Variants in FBLIM1 observed in about 807,000 individuals in gnomAD.
The protein encoded by FBLIM1 is filamin-binding LIM protein 1.
A neutral mutation model predicts 37.4 loss-of-function variants in FBLIM1; 29 were observed. The observed-to-expected ratio is 0.77, with a 90% CI of 0.58 to 1.06. The LOEUF (loss-of-function observed/expected upper bound fraction) is 1.06, where lower values mean the gene tolerates loss of function less well. FBLIM1 is among the 50% of genes least tolerant of loss of function. FBLIM1 has a pLI of 0.00. For missense variants in FBLIM1, 449 were observed against 505.6 expected (o/e 0.89, Z 1.07); for synonymous variants, 193 against 199.0 (o/e 0.97, Z 0.25).
At chr1:15,759,870 C>A (rs2068583729) in intron 1 of FBLIM1, among the ~76,000 whole-genome samples, 1 of 152,180 alleles carries the variant, frequency 6.6e-6, no homozygotes, top group African/African-American at 2.4e-5. Flanking sequence ...GGGCACACCC[C>A]GCCACTTCTG....
In FBLIM1 at chr1:15,782,952, C is replaced by T. The variant is rs145519465; in HGVS notation, c.1009-1596C>T. On this transcript the variant is annotated intron_variant, in intron 8 of 8. Coordinates refer to ENST00000375766, the MANE Select transcript of FBLIM1 (RefSeq NM_017556.4). The stretch of plus-strand genomic sequence containing the variant: ...CTGGGATTACAGGCACCCACCACCA[C>T]GCCCGGCTAATTTTTATATTTTTAG... 4.7e-3 allele frequency among the ~76,000 whole-genome samples: 715 copies of T among 152,114 alleles called. 40 individuals are homozygous for T. The East Asian group carries it at 0.1, about 21-fold the overall frequency.
intron 8 of FBLIM1, among the ~76,000 whole-genome samples, chr1:15,783,556 T>C (rs1329182774): frequency 6.7e-6 from 1 of 149,388 alleles, no homozygotes; most frequent in Non-Finnish European, 1.5e-5. Flanking sequence ...TCCTGTCTCG[T>C]AGAACTTACG....
At position 15,765,770 on chromosome 1, in the gene FBLIM1, G is replaced by A. The variant is rs950080003; in HGVS notation, c.250+537G>A. 5.9e-5 allele frequency among the ~76,000 whole-genome samples: 9 copies of A among 152,116 alleles called. No individual in the cohort carries two copies. The highest frequency in any genetic ancestry group is 1.2e-4 in the Non-Finnish European group (8 of 68,006). ...TACTTGTCCTCTCAGAGTCATCCTC[G>A]AGCGGGTCCAGGACCCCCTTTCTGC... is the stretch of plus-strand genomic sequence containing the variant. On this transcript the variant is annotated intron_variant, in intron 3 of 8. Transcript: ENST00000375766. This position sits in a 1 kb window ranked among gnomAD's most constrained non-coding sequence, Gnocchi z 5.9.
chr1:15,779,452 G>A (rs1188270333), intron 8 of FBLIM1, among the ~76,000 whole-genome samples: 2 of 151,794 alleles, frequency 1.3e-5, no homozygotes, highest in Non-Finnish European at 2.9e-5. Context: ...CTACAGGCAT[G>A]TGCCACCACA....
chr1:15,780,945 GT>G (rs1252071260), intron 8 of FBLIM1, among the ~76,000 whole-genome samples: 7 of 152,262 alleles, frequency 4.6e-5, no homozygotes, highest in African/African-American at 1.7e-4. Flanking sequence ...ATCCTCACGA[GT>G]TCCAGCAGTG....
chr1:15,764,038 C>G (rs572584368), intron 1 of FBLIM1, among the ~76,000 whole-genome samples: 15 of 152,322 alleles, frequency 9.8e-5, no homozygotes, highest in Non-Finnish European at 2.1e-4. Flanking sequence ...CATCTCTCCC[C>G]TTGCCCCCTG....
intron 3 of FBLIM1, among the ~76,000 whole-genome samples, chr1:15,766,527 C>T (rs973418349): frequency 1.3e-5 from 2 of 151,954 alleles, no homozygotes; most frequent in African/African-American, 2.4e-5. Context: ...AAATTCCTGA[C>T]CTCAGGTGAT....
chr1:15,768,680 A>C, intron 5 of FBLIM1, 50 bp downstream of exon 5: 1 of 1,463,768 alleles, frequency 6.8e-7, no homozygotes, highest in Non-Finnish European at 9.2e-7. Flanking sequence ...TGGGGCCAGC[A>C]TGGGCTTCCA....
At chr1:15,780,431 C>G (rs1266881898) in intron 8 of FBLIM1, among the ~76,000 whole-genome samples, 2 of 152,156 alleles carry the variant, frequency 1.3e-5, no homozygotes, top group African/African-American at 4.8e-5. Context: ...AACTCCTGAT[C>G]TCAAGTGATC....
Position 15,774,697 on chromosome 1 carries a change from C to T in FBLIM1, c.791C>T (p.Pro264Leu). The part of the protein sequence containing the change: ...IIRALGQAFH[P>L]SCFTCVTCAR... ...AGGGCCCTGGGCCAGGCCTTCCACC[C>T]CTCCTGCTTCACGTGTGTGACCTGC... The change falls in exon 7 of 9, where the codon CCC becomes CTC. Residue 264 changes from proline to leucine, a missense_variant. Transcript: ENST00000375766. 1 of 1,614,106 alleles carries T rather than the reference C, an allele frequency of 6.2e-7. No homozygotes were observed. The highest frequency in any genetic ancestry group is 8.5e-7 in the Non-Finnish European group (1 of 1,179,984).
At chr1:15,776,342 A>G (rs2069486315) in intron 7 of FBLIM1, among the ~76,000 whole-genome samples, 1 of 152,216 alleles carries the variant, frequency 6.6e-6, no homozygotes, top group Admixed American at 6.5e-5. Context: ...CCCAAGGCAC[A>G]CAGCAGCTAA....
In FBLIM1 at chr1:15,764,627, TG is replaced by T. The variant is rs2068828380; in HGVS notation, c.-76del. On this transcript the variant is annotated 5_prime_UTR_variant, in exon 2 of 9. Transcript: ENST00000375766. ...GAACGGAAGTCAGCCCTGCTGGGGC[TG>T]GGAGCTGAAGCATCTGTTCCTTCCT... The T allele has an allele frequency of 1.7e-5, 4 of 229,064 alleles. No individual in the cohort carries two copies. The highest frequency in any genetic ancestry group is 3.4e-5 in the Non-Finnish European group (4 of 118,486). The allele number at this position is 229,064 out of a possible 1,614,324, so 14.2% of individuals were successfully genotyped here. A position where few individuals can be genotyped will look rare whatever the true frequency, so the allele number is the denominator to read the frequency against.
chr1:15,777,184 T>C lies in FBLIM1; in HGVS notation c.905T>C (p.Val302Ala). Residue 302 changes from valine to alanine, a missense_variant, in exon 8 of 9, where the codon GTC (valine) becomes GCC (alanine). Transcript: ENST00000375766. Reference sequence around the variant, plus strand: ...TTTGCTTCTAGGAAATTCGCCCCCGTCTGCAGCATCTGTGAAAATCCCATC... The same window carrying C: ...TTTGCTTCTAGGAAATTCGCCCCCGCCTGCAGCATCTGTGAAAATCCCATC... ...LDDFYRKFAP[V>A]CSICENPIIP... is the part of the protein sequence containing the mutation. 1 of 1,606,660 alleles carries C rather than the reference T, an allele frequency of 6.2e-7. No individual in the cohort carries two copies. The highest frequency in any genetic ancestry group is 2.2e-5 in the East Asian group (1 of 44,676).
chr1:15,757,851 T>C (rs1042712736), upstream of FBLIM1: 2 of 151,494 alleles, frequency 1.3e-5, no homozygotes, highest in Admixed American at 6.6e-5. The surrounding 1 kb of genome is among the most constrained non-coding windows in gnomAD (Gnocchi z 4.1). Context: ...GGCCCCAGAG[T>C]CCAGGCTCTG....
chr1:15,757,777 T>G (rs942100356), upstream of FBLIM1, among the ~76,000 whole-genome samples: 1 of 152,110 alleles, frequency 6.6e-6, no homozygotes, highest in Non-Finnish European at 1.5e-5. This position sits in a 1 kb window ranked among gnomAD's most constrained non-coding sequence, Gnocchi z 4.1. Context: ...AGACCCAGAT[T>G]CCTTTCCCCA....
At chr1:15,764,844 T>G in intron 2 of FBLIM1, 120 bp from the exon 3 acceptor site, 5 of 1,198,412 alleles carry the variant, frequency 4.2e-6, no homozygotes, top group South Asian at 1.5e-5. Context: ...CTGGACTGAG[T>G]TGTTGAGATG....
chr1:15,777,365 A>T, intron 8 of FBLIM1, 78 bp downstream of exon 8: 1 of 1,052,332 alleles, frequency 9.5e-7, no homozygotes, highest in South Asian at 1.4e-5. Flanking sequence ...GGACATGGGG[A>T]CAGGTCAGGG....
intron 1 of FBLIM1, among the ~76,000 whole-genome samples, chr1:15,760,829 G>A (rs1336115677): frequency 2.0e-5 from 3 of 152,124 alleles, no homozygotes; most frequent in East Asian, 3.9e-4. Flanking sequence ...AGTGGGGGCG[G>A]AGGGTCCCCT....
intron 1 of FBLIM1, among the ~76,000 whole-genome samples, chr1:15,760,712 C>G (rs1321036864): frequency 1.3e-5 from 2 of 152,024 alleles, no homozygotes; most frequent in East Asian, 3.9e-4. Context: ...CTGGCTGGAT[C>G]CCTGCCTCCT....
Sources: allele counts gnomAD v4.1 joint callset (sites outside exome capture counted in the v4.1 genomes callset), GRCh38; gene constraint gnomAD v4.1.1; non-coding constraint Gnocchi (gnomAD v3.1); transcripts MANE v1.5; gene names NCBI Gene and HGNC (gene_info 2026-07-23, HGNC 2026-07-21).